LRCH2: variants seen among roughly 807,000 people sequenced by gnomAD.
LRCH2 encodes leucine-rich repeat and calponin homology domain-containing protein 2.
A neutral mutation model predicts 68.9 loss-of-function variants in LRCH2; 38 were observed. The ratio of observed to expected loss-of-function variants is 0.55; its 90% CI spans 0.43 to 0.72. The LOEUF (loss-of-function observed/expected upper bound fraction) is 0.72. Ranked by LOEUF, LRCH2 falls within the 30% of genes least tolerant of loss-of-function variation. The pLI is 0.00. For missense variants in LRCH2, 528 were observed against 572.9 expected (o/e 0.92, Z 0.80); for synonymous variants, 191 against 208.1 (o/e 0.92, Z 0.71).
At chrX:115,134,547 T>C (rs2072272162) in intron 14 of LRCH2, among the ~76,000 whole-genome samples, 1 of 111,987 alleles carries the variant, frequency 8.9e-6, no homozygotes, top group Non-Finnish European at 1.9e-5. Flanking sequence ...CTAGGTCCCT[T>C]AAGAATTATG....
intron 20 of LRCH2, among the ~76,000 whole-genome samples, chrX:115,116,011 C>T (rs1575120): frequency 0.1 from 11,542 of 110,655 alleles, 459 homozygotes; most frequent in African/African-American, 0.12. Context: ...ACATCACATA[C>T]ACACTAAAAT....
rs782097429 is a variant in LRCH2, at chrX:115,217,234, A to T, written c.349+16459T>A. On this transcript the variant is annotated intron_variant, in intron 1 of 20. Coordinates refer to ENST00000317135, the MANE Select transcript of LRCH2 (RefSeq NM_020871.4). ...CACTTGTACCCCCAAACTCATAACAATTTTTTTATTATACTTTAAGTTCTG... is the reference window on the plus strand; with the variant it reads ...CACTTGTACCCCCAAACTCATAACATTTTTTTTATTATACTTTAAGTTCTG... 4.5e-5 allele frequency among the ~76,000 whole-genome samples: 5 copies of T among 111,431 alleles called. No homozygotes were observed. In the East Asian group the frequency reaches 1.4e-3, roughly 31 times the overall value.
At position 115,177,224 on chromosome X, in the gene LRCH2, T is replaced by C. The variant is rs190380659; in HGVS notation, c.864+2203A>G. On this transcript the variant is annotated intron_variant, in intron 5 of 20. Transcript: ENST00000317135. ...AAGTACTGGGATTATAGGCATGAGC[T>C]ACCATCCGACCTGTCTGTTAATTTC... Among the ~76,000 whole-genome samples the C allele has an allele frequency of 4.9e-3, 535 of 108,729 alleles. 6 individuals are homozygous for C. Among genetic ancestry groups the C allele is most frequent in the Non-Finnish European group, 4.8e-3 (254 of 52,525 alleles). The allele number at this position is 108,729 out of a possible 115,157, so 94.4% of individuals were successfully genotyped here.
At position 115,179,335 on chromosome X, in the gene LRCH2, C is replaced by T. The variant is rs1235779020; in HGVS notation, c.864+92G>A. 9.0e-6 allele frequency: 7 copies of T among 778,612 alleles called. No homozygotes were observed. The African/African-American group carries it at 1.5e-4, about 17-fold the overall frequency. 64.2% of individuals were successfully genotyped at this position (778,612 alleles called of 1,213,427 possible). A position where few individuals can be genotyped will look rare whatever the true frequency, so the allele number is the denominator to read the frequency against. On this transcript the variant is annotated intron_variant, in intron 5 of 20. Coordinates refer to ENST00000317135, the MANE Select transcript of LRCH2 (RefSeq NM_020871.4). ...ACAGTGCTTGAACAACAAATTGGCT[C>T]TTGATTTAGGTGCTTTTTGATTTAC...
intron 1 of LRCH2, among the ~76,000 whole-genome samples, chrX:115,208,808 T>C (rs940813315): frequency 2.7e-5 from 3 of 112,236 alleles, no homozygotes; most frequent in Non-Finnish European, 5.6e-5. Context: ...TTTAATAATA[T>C]AGATTACCAT....
chrX:115,158,635 G>A (rs965562356), intron 11 of LRCH2, among the ~76,000 whole-genome samples: 4 of 111,424 alleles, frequency 3.6e-5, no homozygotes, highest in Non-Finnish European at 7.5e-5. Flanking sequence ...GTAATTAGAA[G>A]CACATCTTTC....
chrX:115,233,183 G>C (rs1482652201), intron 1 of LRCH2, among the ~76,000 whole-genome samples: 1 of 112,017 alleles, frequency 8.9e-6, no homozygotes, highest in Non-Finnish European at 1.9e-5. Context: ...TACGTGACAA[G>C]AAAGAAGCCA....
At chrX:115,187,151 G>A (rs1401234493) in intron 2 of LRCH2, among the ~76,000 whole-genome samples, 3 of 111,850 alleles carry the variant, frequency 2.7e-5, no homozygotes, top group Non-Finnish European at 5.6e-5. Flanking sequence ...AAGGTGTAAA[G>A]TGGTTTCAGT....
chrX:115,190,364 G>T, intron 1 of LRCH2: 1 of 1,162,745 alleles, frequency 8.6e-7, no homozygotes, highest in Non-Finnish European at 1.1e-6. Context: ...AAGAGCTACG[G>T]AGGCCCATGC....
chrX:115,225,168 G>A (rs1469332606), intron 1 of LRCH2, among the ~76,000 whole-genome samples: 3 of 111,784 alleles, frequency 2.7e-5, no homozygotes, highest in Non-Finnish European at 3.8e-5. Flanking sequence ...GGAAATTAGA[G>A]TAATATTTTT....
intron 20 of LRCH2, among the ~76,000 whole-genome samples, chrX:115,114,729 AG>A (rs1407221989): frequency 9.0e-6 from 1 of 110,911 alleles, no homozygotes; most frequent in Non-Finnish European, 1.9e-5. Context: ...TCATAATAAT[AG>A]TTTGACAAGT....
At chrX:115,146,782 C>T (rs1442559310) in intron 14 of LRCH2, among the ~76,000 whole-genome samples, 5 of 109,229 alleles carry the variant, frequency 4.6e-5, no homozygotes, top group African/African-American at 1.7e-4. Context: ...TGTGTTCTTG[C>T]TCACATAATC....
chrX:115,195,703 A>G (rs2072882370), intron 1 of LRCH2, among the ~76,000 whole-genome samples: 1 of 111,658 alleles, frequency 9.0e-6, no homozygotes, highest in African/African-American at 3.3e-5. Context: ...GTCGTGGTCA[A>G]GACCGGCTGG....
Position 115,165,428 on chromosome X carries a change from AT to A in LRCH2, c.1331del (p.Asn444MetfsTer4). On this transcript the variant is annotated frameshift_variant, in exon 10 of 21. Coordinates refer to ENST00000317135, the MANE Select transcript of LRCH2 (RefSeq NM_020871.4). LOFTEE classifies it high-confidence loss of function. ...ACCTTTTTTCATCTCCTAATTCTTC[AT>A]TTTTCCGAGATTTTTCAGAACATTT... ...KEKCSEKSRK[N>X]EELGDEKRLE... is the part of the protein sequence containing the mutation. 8.8e-7 allele frequency: 1 copy of A among 1,134,152 alleles called. No individual in the cohort carries two copies. The highest frequency in any genetic ancestry group is 1.2e-6 in the Non-Finnish European group (1 of 848,176). The allele number at this position is 1,134,152 out of a possible 1,213,427, so 93.5% of individuals were successfully genotyped here. A position where few individuals can be genotyped will look rare whatever the true frequency, so the allele number is the denominator to read the frequency against.
At chrX:115,218,303 T>G (rs2073055257) in intron 1 of LRCH2, among the ~76,000 whole-genome samples, 1 of 112,198 alleles carries the variant, frequency 8.9e-6, no homozygotes, top group Non-Finnish European at 1.9e-5. Context: ...TACATCAGAA[T>G]TGATGATGTT....
rs200571923 is a variant in LRCH2, at chrX:115,122,867, G to A, written c.1993C>T (p.Pro665Ser). The A allele has an allele frequency of 8.3e-7, 1 of 1,206,445 alleles. No homozygotes were observed. The highest frequency in any genetic ancestry group is 1.8e-5 in the African/African-American group (1 of 57,114). ...ATCAGTGCAGCTCCAATGTCATCAGGCAAAATTACTTTTAACCTGGATTCA... is the reference window on the plus strand; with the variant it reads ...ATCAGTGCAGCTCCAATGTCATCAGACAAAATTACTTTTAACCTGGATTCA... ...NLESRLKVIL[P>S]DDIGAALMDG... The change falls in exon 19 of 21, where the codon CCT becomes TCT. Residue 665 changes from proline (P) to serine (S), a missense_variant. By Grantham distance (74) the Pro-to-Ser change is moderately conservative. Coordinates refer to ENST00000317135, the MANE Select transcript of LRCH2 (RefSeq NM_020871.4).
intron 3 of LRCH2, among the ~76,000 whole-genome samples, chrX:115,181,558 T>C (rs933248192): frequency 1.8e-5 from 2 of 112,168 alleles, no homozygotes; most frequent in East Asian, 2.8e-4. Context: ...CTGCAAAGGA[T>C]TGGAAGCCAG....
At chrX:115,208,225 T>C (rs1422990825) in intron 1 of LRCH2, among the ~76,000 whole-genome samples, 16 of 112,318 alleles carry the variant, frequency 1.4e-4, no homozygotes, top group Non-Finnish European at 2.8e-4. Flanking sequence ...AAGAGAATGA[T>C]TGTAAATATT....
chrX:115,197,334 T>C (rs1283529807), intron 1 of LRCH2, among the ~76,000 whole-genome samples: 3 of 111,307 alleles, frequency 2.7e-5, no homozygotes, highest in Non-Finnish European at 5.7e-5. Flanking sequence ...AGATAAAGAA[T>C]TCAAAACATT....
Sources: allele counts gnomAD v4.1 joint callset (sites outside exome capture counted in the v4.1 genomes callset), GRCh38; gene constraint gnomAD v4.1.1; transcripts MANE v1.5; gene names NCBI Gene and HGNC (gene_info 2026-07-23, HGNC 2026-07-21).